The following U2AF2 variants were observed in gnomAD, a reference collection of about 807,000 sequenced individuals.
The protein encoded by U2AF2 is splicing factor U2AF 65 kDa subunit.
Under a neutral mutation model 52.6 loss-of-function variants are expected in U2AF2, and 6 were observed. That is an observed-to-expected ratio of 0.11 (90% CI 0.06 to 0.23). The LOEUF is 0.23. U2AF2 is among the 10% of genes least tolerant of loss of function. The pLI, the probability that U2AF2 is intolerant of heterozygous loss-of-function variation, is 1.00. For synonymous variants in U2AF2, 284 were observed against 258.2 expected (o/e 1.10, Z -0.96); for missense variants, 222 against 677.1 (o/e 0.33, Z 7.46).
At chr19:55,667,868 C>T (rs771158841) in intron 7 of U2AF2, among the ~76,000 whole-genome samples, 3 of 151,820 alleles carry the variant, frequency 2.0e-5, no homozygotes, top group Non-Finnish European at 4.4e-5. Flanking sequence ...TCACTGCAAC[C>T]TCCGCCTCCT....
chr19:55,667,722 G>A (rs1984631846), intron 7 of U2AF2, among the ~76,000 whole-genome samples: 1 of 152,240 alleles, frequency 6.6e-6, no homozygotes, highest in South Asian at 2.1e-4. Flanking sequence ...CCCCTGTGAG[G>A]GCAGTTGCAC....
chr19:55,667,992 A>C (rs1323082047), intron 7 of U2AF2, among the ~76,000 whole-genome samples: 2 of 151,988 alleles, frequency 1.3e-5, no homozygotes, highest in Non-Finnish European at 2.9e-5. Context: ...ACCATGTTGG[A>C]CAGGATGGTC....
At chr19:55,673,074 A>AT (rs1415641011) in intron 11 of U2AF2, among the ~76,000 whole-genome samples, 1 of 151,732 alleles carries the variant, frequency 6.6e-6, no homozygotes, top group Non-Finnish European at 1.5e-5. Flanking sequence ...ACCCGCCATC[A>AT]TGTCTGGCTA....
intron 7 of U2AF2, among the ~76,000 whole-genome samples, chr19:55,666,227 T>C (rs568579340): frequency 6.6e-6 from 1 of 152,280 alleles, no homozygotes; most frequent in South Asian, 2.1e-4. Context: ...GGGACATTGC[T>C]CCATCTTACA....
At chr19:55,673,371 T>C (rs1985052607) in intron 11 of U2AF2, among the ~76,000 whole-genome samples, 2 of 152,082 alleles carry the variant, frequency 1.3e-5, no homozygotes, top group African/African-American at 4.8e-5. Context: ...TAAGTTCATC[T>C]GCTATATAGA....
chr19:55,660,182 C>G lies in U2AF2; in HGVS notation c.191C>G (p.Pro64Arg). ...ASRDRRRRSK[P>R]LTRGAKEEHG... ...CTTTCCCTCCCACCCCCCAGCAAAC[C>G]TTTGACCAGAGGCGCTAAAGAGGAG... The change falls in exon 3 of 12, where the codon CCT becomes CGT. Residue 64 changes from proline (P) to arginine (R), a missense_variant. Physicochemically the swap from Pro to Arg is moderately radical, Grantham distance 103. Coordinates refer to ENST00000308924, the MANE Select transcript of U2AF2 (RefSeq NM_007279.3). The G allele has an allele frequency of 1.2e-6, 2 of 1,609,408 alleles. No homozygotes were observed. Among genetic ancestry groups the G allele is most frequent in the Non-Finnish European group, 1.7e-6 (2 of 1,177,860 alleles).
chr19:55,669,901 A>C (rs1984782790), intron 11 of U2AF2, among the ~76,000 whole-genome samples: 1 of 151,916 alleles, frequency 6.6e-6, no homozygotes, highest in African/African-American at 2.4e-5. Context: ...GATGTTGGTG[A>C]CCCTGAGGGG....
chr19:55,664,038 T>G, intron 7 of U2AF2: 1 of 349,970 alleles, frequency 2.9e-6, no homozygotes, highest in Non-Finnish European at 5.2e-6. Context: ...GGCCTGGACC[T>G]CGTGCCTGCG....
intron 7 of U2AF2, among the ~76,000 whole-genome samples, chr19:55,666,065 A>T (rs1365834912): frequency 6.6e-6 from 1 of 152,174 alleles, no homozygotes. Flanking sequence ...TATGGATCTA[A>T]GGTTGCTTCT....
chr19:55,663,583 C>T (rs1984357613), intron 6 of U2AF2, 23 bp from the exon 7 acceptor site: 13 of 1,610,714 alleles, frequency 8.1e-6, no homozygotes, highest in Non-Finnish European at 1.0e-5. Context: ...CCATCCCTCA[C>T]CACTCCTTTC....
intron 1 of U2AF2, among the ~76,000 whole-genome samples, chr19:55,656,166 G>T (rs1471360352): frequency 2.0e-5 from 3 of 152,208 alleles, no homozygotes; most frequent in Non-Finnish European, 4.4e-5. Context: ...TTGTTAAGAC[G>T]CTTTAAAAAT....
chr19:55,660,311 C>G, intron 3 of U2AF2, 90 bp downstream of exon 3: 2 of 1,463,366 alleles, frequency 1.4e-6, no homozygotes, highest in East Asian at 2.3e-5. Context: ...ATTTCCAGCC[C>G]TGGCCCAAGC....
chr19:55,659,001 C>T, intron 1 of U2AF2: 1 of 666,912 alleles, frequency 1.5e-6, no homozygotes, highest in Non-Finnish European at 2.2e-6. Context: ...ACCCCGGGGG[C>T]ATTTCCAGGC....
chr19:55,672,470 G>A (rs1035157495), intron 11 of U2AF2, among the ~76,000 whole-genome samples: 2 of 151,904 alleles, frequency 1.3e-5, no homozygotes, highest in African/African-American at 4.8e-5. Flanking sequence ...TTTGCTGTGC[G>A]TTGTAGGATA....
At chr19:55,665,112 C>T (rs1410411910) in intron 7 of U2AF2, among the ~76,000 whole-genome samples, 6 of 152,224 alleles carry the variant, frequency 3.9e-5, no homozygotes, top group East Asian at 1.9e-4. Context: ...GGACTTTTTA[C>T]GTATGGGTGC....
At position 55,668,399 on chromosome 19, in the gene U2AF2, C is replaced by A; in HGVS notation, c.743-108C>A. 8.9e-7 allele frequency: 1 copy of A among 1,117,858 alleles called. No individual in the cohort carries two copies. The highest frequency in any genetic ancestry group is 1.3e-6 in the Non-Finnish European group (1 of 797,466). 69.2% of individuals were successfully genotyped at this position (1,117,858 alleles called of 1,614,324 possible). The stretch of plus-strand genomic sequence containing the variant: ...CGTGGCGACCCCTCCCTCGTCAGAT[C>A]AGGCAGGAAGTGTTCTCTTTGGCAA... On this transcript the variant is annotated intron_variant, in intron 7 of 11. Coordinates refer to ENST00000308924, the MANE Select transcript of U2AF2 (RefSeq NM_007279.3). This position sits in a 1 kb window ranked among gnomAD's most constrained non-coding sequence, Gnocchi z 5.5.
chr19:55,660,079 C>A, intron 2 of U2AF2, 98 bp from the exon 3 acceptor site: 1 of 1,232,108 alleles, frequency 8.1e-7, no homozygotes, highest in Non-Finnish European at 1.1e-6. Context: ...CGGCCCTGCT[C>A]CCACCCTGGG....
In U2AF2 at chr19:55,668,850, C is replaced by T; in HGVS notation, c.945+58C>T. The T allele has an allele frequency of 6.4e-7, 1 of 1,573,650 alleles. No individual in the cohort carries two copies. Among genetic ancestry groups the T allele is most frequent in the Non-Finnish European group, 8.6e-7 (1 of 1,156,082 alleles). On this transcript the variant is annotated intron_variant, in intron 9 of 11. Transcript: ENST00000308924. This position sits in a 1 kb window ranked among gnomAD's most constrained non-coding sequence, Gnocchi z 5.5. Reference sequence around the variant, plus strand: ...TGTCCTTCCCTGCCCTGCGCTGTTGCCAAGCCATGGTCTCCCCTCCTCAGG... The same window carrying T: ...TGTCCTTCCCTGCCCTGCGCTGTTGTCAAGCCATGGTCTCCCCTCCTCAGG...
chr19:55,660,898 G>C, intron 4 of U2AF2, 140 bp from the exon 5 acceptor site: 2 of 1,387,010 alleles, frequency 1.4e-6, no homozygotes, highest in South Asian at 3.2e-5. Flanking sequence ...CCCGAGGGTG[G>C]AAAGAGGGTT....
Sources: allele counts gnomAD v4.1 joint callset (sites outside exome capture counted in the v4.1 genomes callset), GRCh38; gene constraint gnomAD v4.1.1; non-coding constraint Gnocchi (gnomAD v3.1); transcripts MANE v1.5; gene names NCBI Gene and HGNC (gene_info 2026-07-23, HGNC 2026-07-21).